Variants in FAH observed in about 807,000 individuals in gnomAD.
The protein encoded by FAH is fumarylacetoacetate hydrolase, also known as fumarylacetoacetase.
In FAH, 47 loss-of-function variants were observed where a neutral mutation model predicts 55.8. The ratio of observed to expected loss-of-function variants is 0.84; its 90% confidence interval spans 0.67 to 1.07. The LOEUF (loss-of-function observed/expected upper bound fraction) is 1.07. FAH is among the 50% of genes least tolerant of loss of function. The pLI is 0.00. For missense variants in FAH, 495 were observed against 545.9 expected (o/e 0.91, Z 0.93); for synonymous variants, 199 against 207.7 (o/e 0.96, Z 0.36).
intron 9 of FAH, chr15:80,173,453 A>T: frequency 2.1e-6 from 1 of 473,926 alleles, no homozygotes; most frequent in Non-Finnish European, 3.9e-6. Context: ...TGCAGGTACC[A>T]ACATTGCACA....
intron 5 of FAH, chr15:80,162,707 A>G (rs559484050): frequency 2.8e-6 from 1 of 354,316 alleles, no homozygotes; most frequent in Non-Finnish European, 5.5e-6. Flanking sequence ...AGAATCCTCA[A>G]ATGTGCCCAG....
In FAH at chr15:80,180,503, A is replaced by G. The variant is rs146499216; in HGVS notation, c.1062+278A>G. On this transcript the variant is annotated intron_variant, in intron 12 of 13. Transcript: ENST00000561421. ...TGGGGAGGAGTCAGGAGACAGTGATAGTGTCTTGGTTGTCACCATCTCACA... is the reference window on the plus strand; with the variant it reads ...TGGGGAGGAGTCAGGAGACAGTGATGGTGTCTTGGTTGTCACCATCTCACA... 1.2e-3 allele frequency among the ~76,000 whole-genome samples: 190 copies of G among 152,274 alleles called. No homozygotes were observed. Among genetic ancestry groups the G allele is most frequent in the Non-Finnish European group, 2.2e-3 (153 of 68,006 alleles).
At chr15:80,181,656 G>T (rs542702847) in intron 13 of FAH, among the ~76,000 whole-genome samples, 6 of 152,280 alleles carry the variant, frequency 3.9e-5, no homozygotes, top group Admixed American at 2.6e-4. Context: ...GAGCTGGAAA[G>T]GTTCAAGTTG....
chr15:80,158,840 TC>T (rs2041122307), intron 2 of FAH, among the ~76,000 whole-genome samples: 1 of 152,144 alleles, frequency 6.6e-6, no homozygotes, highest in East Asian at 1.9e-4. Context: ...GACATGGTTT[TC>T]CCAAGCTGCA....
intron 11 of FAH, among the ~76,000 whole-genome samples, chr15:80,178,946 C>A (rs1393878880): frequency 6.6e-6 from 1 of 152,154 alleles, no homozygotes; most frequent in African/African-American, 2.4e-5. Context: ...TGGTTGTTTC[C>A]GTTGTTTTTG....
At chr15:80,171,783 C>T (rs2041242873) in intron 7 of FAH, among the ~76,000 whole-genome samples, 1 of 152,184 alleles carries the variant, frequency 6.6e-6, no homozygotes, top group South Asian at 2.1e-4. Context: ...GACATGAATA[C>T]AAACCCTGAT....
At position 80,153,021 on chromosome 15, in the gene FAH, C is replaced by T. The variant is rs142522569; in HGVS notation, c.-34C>T. The T allele has an allele frequency of 0.016, 25,702 of 1,601,178 alleles. 280 individuals carry two copies. The highest frequency in any genetic ancestry group is 0.02 in the Non-Finnish European group (23,483 of 1,171,984). The stretch of plus-strand genomic sequence containing the variant: ...TTCAGTCCTGCTCTCCGCACGCCAC[C>T]TTAGGCCCGCAGCCGTGCCGGGTGC... On this transcript the variant is annotated 5_prime_UTR_variant, in exon 1 of 14. Coordinates refer to ENST00000561421, the MANE Select transcript of FAH (RefSeq NM_000137.4).
At chr15:80,175,356 C>A (rs2041273847) in intron 10 of FAH, among the ~76,000 whole-genome samples, 1 of 152,080 alleles carries the variant, frequency 6.6e-6, no homozygotes, top group African/African-American at 2.4e-5. Flanking sequence ...GGACTTCCAT[C>A]TTCTGCTTGA....
At chr15:80,154,632 A>T (rs1344755272) in intron 1 of FAH, among the ~76,000 whole-genome samples, 1 of 152,210 alleles carries the variant, frequency 6.6e-6, no homozygotes, top group Non-Finnish European at 1.5e-5. Flanking sequence ...TTGCCAAGGC[A>T]AAACCTCCCT....
intron 1 of FAH, among the ~76,000 whole-genome samples, chr15:80,154,823 G>A (rs1203505470): frequency 3.3e-5 from 5 of 152,236 alleles, no homozygotes; most frequent in Non-Finnish European, 7.3e-5. Flanking sequence ...ATTTCTGGTT[G>A]ATGGACTAGT....
At chr15:80,174,009 A>G (rs568231824) in intron 9 of FAH, among the ~76,000 whole-genome samples, 1 of 152,210 alleles carries the variant, frequency 6.6e-6, no homozygotes, top group Non-Finnish European at 1.5e-5. Context: ...GGGTCATCTC[A>G]TGTTTGCTGT....
rs2041132568 is a variant in FAH at position 80,159,815 on chromosome 15, C to T, written c.252C>T (p.Phe84=). 2 of 1,614,098 alleles carry T rather than the reference C, an allele frequency of 1.2e-6. No individual in the cohort carries two copies. Among genetic ancestry groups the T allele is most frequent in the African/African-American group, 1.3e-5 (1 of 74,928 alleles). ...CTGCCTGGAAGGAGGCGAGAGTGTTCTTGCAGAACTTGCTGTCTGTGAGCC... is the reference window on the plus strand; with the variant it reads ...CTGCCTGGAAGGAGGCGAGAGTGTTTTTGCAGAACTTGCTGTCTGTGAGCC... The part of the protein sequence containing the change: ...GQAAWKEARV[F]LQNLLSVSQA... The change falls in exon 3 of 14, where the codon TTC becomes TTT. Residue 84 remains phenylalanine (F), a synonymous_variant. Coordinates refer to ENST00000561421, the MANE Select transcript of FAH (RefSeq NM_000137.4).
intron 7 of FAH, among the ~76,000 whole-genome samples, chr15:80,170,164 C>T (rs1015421144): frequency 3.3e-5 from 5 of 152,270 alleles, no homozygotes; most frequent in East Asian, 3.8e-4. Flanking sequence ...TCTTCAGCAT[C>T]TGCTGGGTTG....
intron 10 of FAH, among the ~76,000 whole-genome samples, chr15:80,176,231 G>C (rs544562721): frequency 6.6e-6 from 1 of 152,164 alleles, no homozygotes; most frequent in East Asian, 1.9e-4. Flanking sequence ...GGTCAGGATG[G>C]TCTTGAACTC....
At chr15:80,175,846 G>T (rs891839791) in intron 10 of FAH, among the ~76,000 whole-genome samples, 10 of 151,780 alleles carry the variant, frequency 6.6e-5, no homozygotes, top group African/African-American at 1.7e-4. Context: ...GTCAATTCAT[G>T]CAAAGGTCTG....
At chr15:80,160,865 T>C (rs1331508511) in intron 4 of FAH, among the ~76,000 whole-genome samples, 1 of 152,192 alleles carries the variant, frequency 6.6e-6, no homozygotes, top group Non-Finnish European at 1.5e-5. Context: ...GGAGTGTCAT[T>C]CAGGAAGTTG....
At chr15:80,172,321 C>G (rs2041248328) in intron 8 of FAH, 73 bp downstream of exon 8, 5 of 1,147,572 alleles carry the variant, frequency 4.4e-6, no homozygotes, top group South Asian at 3.7e-5. Flanking sequence ...TTCATAGAAG[C>G]TGAAGATCTG....
intron 2 of FAH, 29 bp from the exon 3 acceptor site, chr15:80,159,727 G>A (rs756489499): frequency 7.4e-6 from 12 of 1,614,130 alleles, no homozygotes; most frequent in Admixed American, 1.7e-5. Context: ...TCCTGTACGT[G>A]ATCTTTTTTC....
intron 2 of FAH, among the ~76,000 whole-genome samples, chr15:80,159,227 GAA>G (rs71455313): frequency 2.0e-5 from 3 of 146,506 alleles, no homozygotes; most frequent in African/African-American, 5.0e-5. Flanking sequence ...GACAGAATGG[GAA>G]AAAAAAAAAC....
Sources: gnomAD v4.1 joint callset for allele counts (sites outside exome capture counted in the v4.1 genomes callset) on GRCh38, gnomAD v4.1.1 for gene constraint, MANE v1.5 for transcripts, NCBI Gene and HGNC (gene_info 2026-07-23, HGNC 2026-07-21) for gene names.